Variants in BMPR1B observed in about 807,000 individuals in gnomAD.
The protein encoded by BMPR1B is bone morphogenetic protein receptor type 1B.
A neutral mutation model predicts 59.1 loss-of-function variants in BMPR1B; 12 were observed. The ratio of observed to expected loss-of-function variants is 0.20; its 90% confidence interval spans 0.13 to 0.33. BMPR1B has a LOEUF of 0.33. Ranked by LOEUF, BMPR1B falls within the 10% of genes least tolerant of loss-of-function variation. BMPR1B has a pLI of 1.00. For missense variants in BMPR1B, 550 were observed against 610.9 expected (o/e 0.90, Z 1.05); for synonymous variants, 237 against 207.3 (o/e 1.14, Z -1.23).
At chr4:94,997,072 T>G (rs912965704) in intron 3 of BMPR1B, among the ~76,000 whole-genome samples, 5 of 152,210 alleles carry the variant, frequency 3.3e-5, no homozygotes, top group African/African-American at 1.2e-4. Context: ...AAGTCAATTA[T>G]GTTGTTTCAC....
At chr4:94,943,630 C>G (rs115955511) in intron 2 of BMPR1B, among the ~76,000 whole-genome samples, 4,411 of 152,210 alleles carry the variant, frequency 0.029, 205 homozygotes, top group African/African-American at 0.1. Flanking sequence ...TTTCCCATAC[C>G]TAGTAAGTAC....
At chr4:95,009,564 TTTC>T (rs1723081078) in intron 3 of BMPR1B, among the ~76,000 whole-genome samples, 1 of 151,992 alleles carries the variant, frequency 6.6e-6, no homozygotes, top group Admixed American at 6.6e-5. Flanking sequence ...TGATGTAGAG[TTTC>T]TTCTTCCTCT....
At chr4:94,898,101 C>T (rs1727660647) in intron 2 of BMPR1B, among the ~76,000 whole-genome samples, 1 of 151,546 alleles carries the variant, frequency 6.6e-6, no homozygotes, top group Admixed American at 6.6e-5. Context: ...TGCATGCTAC[C>T]ATACTTGGAT....
intron 3 of BMPR1B, among the ~76,000 whole-genome samples, chr4:95,075,493 A>G (rs1290079314): frequency 6.6e-6 from 1 of 152,158 alleles, no homozygotes; most frequent in Non-Finnish European, 1.5e-5. Context: ...GTATCATTTA[A>G]TAGCCATTGT....
chr4:95,113,015 G>A (rs1276171121), intron 4 of BMPR1B, among the ~76,000 whole-genome samples: 1 of 151,964 alleles, frequency 6.6e-6, no homozygotes, highest in Non-Finnish European at 1.5e-5. Context: ...TTTGAATTTT[G>A]ATTTAGATGA....
At chr4:95,058,987 C>A (rs1012396390) in intron 3 of BMPR1B, among the ~76,000 whole-genome samples, 1 of 152,050 alleles carries the variant, frequency 6.6e-6, no homozygotes, top group Admixed American at 6.6e-5. Context: ...TAAAACAAGT[C>A]TTTTTCTGTT....
chr4:95,148,195 T>C (rs1734780427), intron 10 of BMPR1B, among the ~76,000 whole-genome samples: 1 of 152,202 alleles, frequency 6.6e-6, no homozygotes, highest in South Asian at 2.1e-4. Context: ...ATCTAAGAGC[T>C]TTACAACAGC....
At chr4:95,103,691 C>T (rs1465540455) in intron 3 of BMPR1B, among the ~76,000 whole-genome samples, 3 of 152,014 alleles carry the variant, frequency 2.0e-5, no homozygotes, top group African/African-American at 7.2e-5. Context: ...AATGTTGAAC[C>T]CAGAATATCT....
chr4:94,898,874 GC>G (rs1232055555), intron 2 of BMPR1B, among the ~76,000 whole-genome samples: 8 of 152,022 alleles, frequency 5.3e-5, no homozygotes, highest in Non-Finnish European at 1.2e-4. Flanking sequence ...TGAGGTAATA[GC>G]TTGTATAGTT....
rs1382497090 is a variant in BMPR1B at position 95,154,929 on chromosome 4, GCTTT to G, written c.*259_*262del. The G allele has an allele frequency of 2.3e-6, 1 of 441,928 alleles. No individual in the cohort carries two copies. Among genetic ancestry groups the G allele is most frequent in the Admixed American group, 3.6e-5 (1 of 27,522 alleles). The allele number at this position is 441,928 out of a possible 1,614,324, so 27.4% of individuals were successfully genotyped here. A position where few individuals can be genotyped will look rare whatever the true frequency, so the allele number is the denominator to read the frequency against. The stretch of plus-strand genomic sequence containing the variant: ...ACTTGTTCAAGATATGATGCATGTT[GCTTT>G]CTAAGAAAGCCCTGTATTTTGTGAT... On this transcript the variant is annotated 3_prime_UTR_variant, in exon 13 of 13. Coordinates refer to ENST00000515059, the MANE Select transcript of BMPR1B (RefSeq NM_001203.3).
intron 12 of BMPR1B, among the ~76,000 whole-genome samples, chr4:95,153,154 G>GA: frequency 6.6e-6 from 1 of 152,088 alleles, no homozygotes; most frequent in East Asian, 1.9e-4. Context: ...TTTGATTAGA[G>GA]AAAAAAAGTA....
chr4:95,139,144 T>C (rs1734025745), intron 10 of BMPR1B, among the ~76,000 whole-genome samples: 1 of 152,234 alleles, frequency 6.6e-6, no homozygotes, highest in African/African-American at 2.4e-5. Context: ...GTCAGGACCC[T>C]CAGCTGCAGG....
At chr4:95,130,188 A>T (rs1560677289) in intron 9 of BMPR1B, 134 bp downstream of exon 9, 1 of 1,057,546 alleles carries the variant, frequency 9.5e-7, no homozygotes, top group Non-Finnish European at 1.4e-6. Context: ...GCATGGGCCC[A>T]AGAACATCAT....
rs10025323 is a variant in BMPR1B, at chr4:94,843,796, A to C, written c.-182-32035A>C. ...CTTACGAGCCGTTTCCTCTGTTCTC[A>C]TTGAGGTGCAGCTCACCTTTGCCTC... On this transcript the variant is annotated intron_variant, in intron 1 of 12. Coordinates refer to ENST00000515059, the MANE Select transcript of BMPR1B (RefSeq NM_001203.3). 7.4e-3 allele frequency among the ~76,000 whole-genome samples: 1,131 copies of C among 152,220 alleles called. 16 individuals are homozygous for C. The highest frequency in any genetic ancestry group is 0.026 in the African/African-American group (1,083 of 41,540).
At chr4:95,064,632 A>G (rs1296996111) in intron 3 of BMPR1B, among the ~76,000 whole-genome samples, 1 of 152,190 alleles carries the variant, frequency 6.6e-6, no homozygotes, top group African/African-American at 2.4e-5. Flanking sequence ...CAAATCATGT[A>G]TCTTATAACA....
In BMPR1B at chr4:94,875,043, C is replaced by T. The variant is rs140105115; in HGVS notation, c.-182-788C>T. Among the ~76,000 whole-genome samples, 1,064 of 152,128 alleles carry T rather than the reference C, an allele frequency of 7.0e-3. 12 individuals carry two copies. The highest frequency in any genetic ancestry group is 0.023 in the African/African-American group (968 of 41,518). The stretch of plus-strand genomic sequence containing the variant: ...GTGGCCAGCATTTAAGTATCAAAAT[C>T]CTTGCACTAAGTAACATCCCCAAAC... On this transcript the variant is annotated intron_variant, in intron 1 of 12. Coordinates refer to ENST00000515059, the MANE Select transcript of BMPR1B (RefSeq NM_001203.3).
At chr4:94,855,732 A>G (rs1725730049) in intron 1 of BMPR1B, among the ~76,000 whole-genome samples, 1 of 152,196 alleles carries the variant, frequency 6.6e-6, no homozygotes, top group Non-Finnish European at 1.5e-5. Flanking sequence ...AGTGCCTTCT[A>G]GTCTCCTGTG....
chr4:95,149,373 T>C (rs898271449), intron 11 of BMPR1B, among the ~76,000 whole-genome samples: 2 of 152,188 alleles, frequency 1.3e-5, no homozygotes, highest in African/African-American at 4.8e-5. Context: ...ATTTCTTACC[T>C]GCTGTATTTT....
chr4:95,017,115 C>G (rs1001245640), intron 3 of BMPR1B, among the ~76,000 whole-genome samples: 22 of 152,192 alleles, frequency 1.4e-4, no homozygotes, highest in Admixed American at 1.4e-3. Flanking sequence ...TGTACTCTTT[C>G]CTTAACCCCA....
Sources: gnomAD v4.1 joint callset for allele counts (sites outside exome capture counted in the v4.1 genomes callset) on GRCh38, gnomAD v4.1.1 for gene constraint, MANE v1.5 for transcripts, NCBI Gene and HGNC (gene_info 2026-07-23, HGNC 2026-07-21) for gene names.